PSMC3IP: variants seen among roughly 807,000 people sequenced by gnomAD.
The protein encoded by PSMC3IP is homologous-pairing protein 2 homolog.
A neutral mutation model predicts 34.9 loss-of-function variants in PSMC3IP; 26 were observed. The ratio of observed to expected loss-of-function variants is 0.74; its 90% CI spans 0.55 to 1.03. The LOEUF (loss-of-function observed/expected upper bound fraction) is 1.03, where lower values mean the gene tolerates loss of function less well. Ranked by LOEUF, PSMC3IP falls within the 50% of genes least tolerant of loss-of-function variation. The probability of loss-of-function intolerance (pLI) is 0.00; values close to 1 mark genes in which losing one functional copy is unlikely to be tolerated. For missense variants in PSMC3IP, 250 were observed against 263.1 expected (o/e 0.95, Z 0.34); for synonymous variants, 87 against 96.5 (o/e 0.90, Z 0.57).
intron 3 of PSMC3IP, chr17:42,574,466 A>G: frequency 9.6e-7 from 1 of 1,041,050 alleles, no homozygotes; most frequent in East Asian, 4.2e-5. Flanking sequence ...GATACTGATT[A>G]GGACAGAAAT....
Position 42,573,100 on chromosome 17 carries a change from C to CACTT in PSMC3IP, c.597+3_597+6dup, listed in dbSNP as rs779415687. 1.5e-5 allele frequency: 24 copies of CACTT among 1,614,124 alleles called. No individual in the cohort carries two copies. Among genetic ancestry groups the CACTT allele is most frequent in the Non-Finnish European group, 1.9e-5 (23 of 1,180,036 alleles). The stretch of plus-strand genomic sequence containing the variant: ...GGGAAGCAAAGAAGGAAGAGAGCTC[C>CACTT]ACTTACAAAGAACTGCTTCTTGCTC... On this transcript the variant is annotated splice_region_variant and intron_variant, in intron 7 of 7. Transcript: ENST00000393795.
At chr17:42,577,769 T>A, upstream of PSMC3IP, 1 of 1,542,794 alleles carries the variant, frequency 6.5e-7, no homozygotes, top group Non-Finnish European at 8.9e-7. Flanking sequence ...GGGGCGGGCC[T>A]CGAACGGTGA....
In PSMC3IP at chr17:42,577,540, T is replaced by A; in HGVS notation, c.56A>T (p.Tyr19Phe). ...GTAGGGCCGGTTCTGCTCCTGCAGG[T>A]ACCTCAGGAGGATCCCGGCGGCTAC... ...AAGAAGILLRYLQEQNRPYSS... is the reference protein window; with the variant it reads ...AAGAAGILLRFLQEQNRPYSS... The change falls in exon 2 of 8, where the codon TAC becomes TTC. Residue 19 changes from tyrosine to phenylalanine, a missense_variant. Physicochemically the swap from Tyr to Phe is conservative, Grantham distance 22 (BLOSUM62 3). Transcript: ENST00000393795. The A allele has an allele frequency of 6.2e-7, 1 of 1,614,068 alleles. No individual in the cohort carries two copies. The highest frequency in any genetic ancestry group is 8.5e-7 in the Non-Finnish European group (1 of 1,179,996).
chr17:42,572,376 T>C lies in PSMC3IP; in HGVS notation c.*592A>G. On this transcript the variant is annotated 3_prime_UTR_variant, in exon 8 of 8. Transcript: ENST00000393795. The stretch of plus-strand genomic sequence containing the variant: ...TTTTGCTACGGTTACAATTTTGAAA[T>C]ATTAACTGAGCCTCAAAATCACCCT... 2.2e-6 allele frequency: 1 copy of C among 454,666 alleles called. No individual in the cohort carries two copies. Among genetic ancestry groups the C allele is most frequent in the South Asian group, 1.6e-5 (1 of 64,474 alleles). 28.2% of individuals were successfully genotyped at this position (454,666 alleles called of 1,614,324 possible). A position where few individuals can be genotyped will look rare whatever the true frequency, so the allele number is the denominator to read the frequency against.
At chr17:42,573,200 G>C (rs1049487435) in intron 6 of PSMC3IP, 34 bp from the exon 7 acceptor site, 1 of 1,613,984 alleles carries the variant, frequency 6.2e-7, no homozygotes, top group Admixed American at 1.7e-5. Flanking sequence ...TTTTCAGATG[G>C]GCAGCACTGG....
At chr17:42,577,176 G>C in intron 3 of PSMC3IP, 37 bp downstream of exon 3, 1 of 1,613,764 alleles carries the variant, frequency 6.2e-7, no homozygotes, top group South Asian at 1.1e-5. Context: ...CCGTTGTCGG[G>C]CTCTCATGGG....
intron 3 of PSMC3IP, among the ~76,000 whole-genome samples, chr17:42,574,655 CCTT>C (rs759717656): frequency 3.4e-5 from 5 of 146,716 alleles, no homozygotes; most frequent in Non-Finnish European, 7.6e-5. Flanking sequence ...TTCTTCCCAT[CCTT>C]CTTTCCACCT....
At chr17:42,573,783 C>T in intron 4 of PSMC3IP, 160 bp from the exon 5 acceptor site, 1 of 1,504,730 alleles carries the variant, frequency 6.6e-7, no homozygotes, top group Non-Finnish European at 8.9e-7. Flanking sequence ...TTTCTTTCCT[C>T]CTCCATCTAC....
At chr17:42,574,741 TTC>T (rs1013795623) in intron 3 of PSMC3IP, among the ~76,000 whole-genome samples, 2 of 22,004 alleles carry the variant, frequency 9.1e-5, no homozygotes, top group African/African-American at 1.1e-4. Context: ...CCCTCTCTCT[TTC>T]TCTCTCTTTC....
Position 42,577,285 on chromosome 17 carries a change from C to CA in PSMC3IP, c.152dup (p.Glu52GlyfsTer28). Reference sequence around the variant, plus strand: ...TCTTGCCTTGTTGCGCCAGCTGCTCCAGCGTCTTCACCACCACCTGGCAGA... The same window carrying CA: ...TCTTGCCTTGTTGCGCCAGCTGCTCCAAGCGTCTTCACCACCACCTGGCAGA... On this transcript the variant is annotated frameshift_variant, in exon 3 of 8. Coordinates refer to ENST00000393795, the MANE Select transcript of PSMC3IP (RefSeq NM_016556.4). LOFTEE classifies it high-confidence loss of function. The CA allele has an allele frequency of 6.2e-7, 1 of 1,614,126 alleles. No individual in the cohort carries two copies. The highest frequency in any genetic ancestry group is 8.5e-7 in the Non-Finnish European group (1 of 1,180,026).
chr17:42,576,732 G>A (rs1555627445), intron 3 of PSMC3IP: 1 of 204,400 alleles, frequency 4.9e-6, no homozygotes, highest in Non-Finnish European at 1.0e-5. Flanking sequence ...TGGTTTGGGT[G>A]AAGAGTAATT....
intron 4 of PSMC3IP, 138 bp downstream of exon 4, chr17:42,573,961 T>C: frequency 6.5e-7 from 1 of 1,539,240 alleles, no homozygotes; most frequent in Non-Finnish European, 8.7e-7. Flanking sequence ...TACATTTCTT[T>C]TTATGCCTAA....
chr17:42,573,637 C>T lies in PSMC3IP; in HGVS notation c.338-14G>A, dbSNP rs980255832. 7.4e-6 allele frequency: 12 copies of T among 1,613,792 alleles called. No individual in the cohort carries two copies. Among genetic ancestry groups the T allele is most frequent in the Middle Eastern group, 1.6e-4 (1 of 6,080 alleles). On this transcript the variant is annotated splice_polypyrimidine_tract_variant and intron_variant, in intron 4 of 7. Coordinates refer to ENST00000393795, the MANE Select transcript of PSMC3IP (RefSeq NM_016556.4). ...ATTCCTTGAGCTCTGAAACCACATCCGCCTGGGGTCACTTGCTACCCCTGA... is the reference window on the plus strand; with the variant it reads ...ATTCCTTGAGCTCTGAAACCACATCTGCCTGGGGTCACTTGCTACCCCTGA...
chr17:42,577,654 T>C lies in PSMC3IP; in HGVS notation c.33A>G (p.Gly11=), dbSNP rs1329547831. 1.2e-6 allele frequency: 2 copies of C among 1,613,924 alleles called. No homozygotes were observed. Among genetic ancestry groups the C allele is most frequent in the East Asian group, 2.2e-5 (1 of 44,892 alleles). The change falls in exon 1 of 8, where the codon GGA becomes GGG. Residue 11 remains glycine, a splice_region_variant and synonymous_variant. Coordinates refer to ENST00000393795, the MANE Select transcript of PSMC3IP (RefSeq NM_016556.4). MSKGRAEAAA[G]AAGILLRYLQ... ...TCCCCGCGCCCACGGCGCCGTTACC[T>C]CCCGCCGCAGCTTCTGCCCGGCCTT... is the stretch of plus-strand genomic sequence containing the variant.
upstream of PSMC3IP, chr17:42,577,785 TGAAGGGGAAGCCTTCCGGAG>T: frequency 2.1e-6 from 3 of 1,445,180 alleles, no homozygotes; most frequent in Non-Finnish European, 2.9e-6. Context: ...GGTGATTGGC[TGAAGGGGAAGCCTTCCGGAG>T]GAGCAAAGCG....
rs1264661486 is a variant in PSMC3IP, at chr17:42,574,215, C to T, written c.226-5G>A. On this transcript the variant is annotated splice_polypyrimidine_tract_variant and splice_region_variant and intron_variant, in intron 3 of 7. Coordinates refer to ENST00000393795, the MANE Select transcript of PSMC3IP (RefSeq NM_016556.4). The stretch of plus-strand genomic sequence containing the variant: ...ACTCACCATGTCAAACTGGTCCTGC[C>T]AGACAAAGAGGGAAAATACAAGTGA... 13 of 1,613,308 alleles carry T rather than the reference C, an allele frequency of 8.1e-6. No individual in the cohort carries two copies. The highest frequency in any genetic ancestry group is 1.3e-5 in the African/African-American group (1 of 74,894).
intron 3 of PSMC3IP, 53 bp downstream of exon 3, chr17:42,577,160 A>AT: frequency 6.2e-7 from 1 of 1,612,966 alleles, no homozygotes; most frequent in South Asian, 1.1e-5. Context: ...CCAGGAGTAG[A>AT]TTCACCCGTT....
chr17:42,574,470 C>A (rs1405632193), intron 3 of PSMC3IP: 1 of 1,009,518 alleles, frequency 9.9e-7, no homozygotes, highest in Non-Finnish European at 1.3e-6. Flanking sequence ...CTGATTAGGA[C>A]AGAAATCTTC....
chr17:42,577,159 G>T, intron 3 of PSMC3IP, 54 bp downstream of exon 3: 2 of 1,612,784 alleles, frequency 1.2e-6, no homozygotes, highest in East Asian at 2.2e-5. Context: ...ACCAGGAGTA[G>T]ATTCACCCGT....
Sources: allele counts gnomAD v4.1 joint callset (sites outside exome capture counted in the v4.1 genomes callset), GRCh38; gene constraint gnomAD v4.1.1; transcripts MANE v1.5; gene names NCBI Gene and HGNC (gene_info 2026-07-23, HGNC 2026-07-21).